GTF2IRD1: variants seen among roughly 807,000 people sequenced by gnomAD.
The protein encoded by GTF2IRD1 is GTF2I repeat domain containing 1, also known as general transcription factor II-I repeat domain-containing protein 1.
A neutral mutation model predicts 113.2 loss-of-function variants in GTF2IRD1; 26 were observed. That is an observed-to-expected ratio of 0.23 (90% CI 0.17 to 0.32). The LOEUF is 0.32. Among genes scored for constraint, GTF2IRD1 ranks in the 10% least tolerant of loss-of-function variants. The pLI, the probability that GTF2IRD1 is intolerant of heterozygous loss-of-function variation, is 1.00. For synonymous variants in GTF2IRD1, 484 were observed against 529.1 expected, an observed-to-expected ratio of 0.91 and a Z score of 1.17; for missense variants, 864 against 1,280.8, an observed-to-expected ratio of 0.67 and a Z score of 4.97.
chr7:74,602,210 C>A, intron 26 of GTF2IRD1, 155 bp from the exon 27 acceptor site: 2 of 862,620 alleles, frequency 2.3e-6, no homozygotes, highest in South Asian at 5.6e-5. Flanking sequence ...TCACTGCACT[C>A]CAGCCTGGGC....
chr7:74,533,073 C>T lies in GTF2IRD1; in HGVS notation c.1275-2040C>T, dbSNP rs1254108837. 2.0e-5 allele frequency among the ~76,000 whole-genome samples: 3 copies of T among 151,870 alleles called. No individual in the cohort carries two copies. In the East Asian group the frequency reaches 5.8e-4, roughly 29 times the overall value. ...GAGAGTGTGTGAGCCCAGCCCCGCC[C>T]TCTCAGACTCTCAGACCTTTATTTC... On this transcript the variant is annotated intron_variant, in intron 9 of 26. Transcript: ENST00000424337.
chr7:74,484,857 G>C (rs1554335330), intron 1 of GTF2IRD1, among the ~76,000 whole-genome samples: 1 of 152,134 alleles, frequency 6.6e-6, no homozygotes, highest in Non-Finnish European at 1.5e-5. Context: ...CTGCCTTTTG[G>C]CTATTGTGAA....
intron 22 of GTF2IRD1, among the ~76,000 whole-genome samples, chr7:74,562,157 C>T (rs1484216299): frequency 3.3e-5 from 5 of 152,364 alleles, no homozygotes; most frequent in African/African-American, 7.2e-5. Flanking sequence ...CTCCCTCACA[C>T]GGTTCCCGAA....
Position 74,529,647 on chromosome 7 carries a change from G to A in GTF2IRD1, c.1091-87G>A, listed in dbSNP as rs587741992. ...ATGGCCAGAGTGGAGTGGGGACGGT[G>A]GGAGGTGATGGGGACCGCAGCTCCC... On this transcript the variant is annotated intron_variant, in intron 8 of 26. Coordinates refer to ENST00000424337, the MANE Select transcript of GTF2IRD1 (RefSeq NM_005685.4). 1.9e-5 allele frequency: 20 copies of A among 1,062,566 alleles called. No individual in the cohort carries two copies. The African/African-American group carries it at 2.3e-4, about 12-fold the overall frequency. 65.8% of individuals were successfully genotyped at this position (1,062,566 alleles called of 1,614,324 possible).
intron 19 of GTF2IRD1, among the ~76,000 whole-genome samples, chr7:74,556,296 A>T (rs1309300190): frequency 6.6e-6 from 1 of 150,478 alleles, no homozygotes; most frequent in Non-Finnish European, 1.5e-5. Context: ...GTGGTCTGGG[A>T]TCCCTCCAGC....
intron 20 of GTF2IRD1, among the ~76,000 whole-genome samples, chr7:74,558,499 A>G (rs1554357972): frequency 6.6e-6 from 1 of 151,334 alleles, no homozygotes; most frequent in Non-Finnish European, 1.5e-5. Context: ...GGCTGGAACT[A>G]CACCCCACTG....
At chr7:74,523,072 A>G (rs1554346357) in intron 7 of GTF2IRD1, among the ~76,000 whole-genome samples, 1 of 152,198 alleles carries the variant, frequency 6.6e-6, no homozygotes, top group African/African-American at 2.4e-5. Context: ...CTCAGCCCTT[A>G]GCCAGACATG....
chr7:74,571,483 G>A lies in GTF2IRD1; in HGVS notation c.2320+11828G>A, dbSNP rs370806524. ...CACTGGTCGGGGCCAAGCTCTTGGT[G>A]GGCTCCAGTTTTATCTAGGACATCC... is the stretch of plus-strand genomic sequence containing the variant. On this transcript the variant is annotated intron_variant, in intron 22 of 26. Transcript: ENST00000424337. 1.1e-4 allele frequency among the ~76,000 whole-genome samples: 17 copies of A among 152,324 alleles called. No homozygotes were observed. The East Asian group carries it at 1.4e-3, about 12-fold the overall frequency.
intron 17 of GTF2IRD1, among the ~76,000 whole-genome samples, chr7:74,550,046 A>T (rs1799212262): frequency 6.7e-6 from 1 of 149,764 alleles, no homozygotes. Context: ...TCAAAAAAAA[A>T]AATTAGCCAG....
At chr7:74,535,729 G>C (rs1798253833) in intron 10 of GTF2IRD1, among the ~76,000 whole-genome samples, 1 of 152,194 alleles carries the variant, frequency 6.6e-6, no homozygotes, top group Non-Finnish European at 1.5e-5. Context: ...GCAAGGTCTT[G>C]TGGGCTTCAG....
At chr7:74,582,698 G>C (rs1478577598) in intron 22 of GTF2IRD1, among the ~76,000 whole-genome samples, 1 of 152,150 alleles carries the variant, frequency 6.6e-6, no homozygotes, top group Non-Finnish European at 1.5e-5. Flanking sequence ...TTGCCTTCCA[G>C]TCTGATGAGC....
intron 1 of GTF2IRD1, among the ~76,000 whole-genome samples, chr7:74,463,657 G>A (rs1793524967): frequency 6.6e-6 from 1 of 152,184 alleles, no homozygotes; most frequent in Admixed American, 6.5e-5. Context: ...CCAAGGAGCG[G>A]GTGGTGGGGA....
At chr7:74,488,429 G>C (rs1346526412) in intron 1 of GTF2IRD1, among the ~76,000 whole-genome samples, 1 of 152,202 alleles carries the variant, frequency 6.6e-6, no homozygotes, top group Non-Finnish European at 1.5e-5. Context: ...AACTGGTAAA[G>C]ACTGACTTAA....
intron 17 of GTF2IRD1, among the ~76,000 whole-genome samples, chr7:74,553,027 G>A (rs782296519): frequency 2.0e-5 from 3 of 152,066 alleles, no homozygotes; most frequent in East Asian, 1.9e-4. Context: ...TAGTAGAGAC[G>A]GTGTTTCACC....
Position 74,520,164 on chromosome 7 carries a change from C to T in GTF2IRD1, c.916+445C>T, listed in dbSNP as rs972992322. Among the ~76,000 whole-genome samples, 5 of 147,526 alleles carry T rather than the reference C, an allele frequency of 3.4e-5. No individual in the cohort carries two copies. The South Asian group carries it at 1.1e-3, about 32-fold the overall frequency. ...TGTCAAAGGTGGGAGATCCACATCA[C>T]GTGCTATAAAGGAAGTAAGCATACT... is the stretch of plus-strand genomic sequence containing the variant. On this transcript the variant is annotated intron_variant, in intron 6 of 26. Transcript: ENST00000424337.
chr7:74,513,078 G>C (rs1238020688), intron 3 of GTF2IRD1, 107 bp downstream of exon 3: 1 of 1,094,912 alleles, frequency 9.1e-7, no homozygotes, highest in African/African-American at 1.6e-5. Flanking sequence ...GGCGGTGTGT[G>C]GGGAGTGAAC....
intron 20 of GTF2IRD1, among the ~76,000 whole-genome samples, chr7:74,558,328 G>A (rs1218644521): frequency 2.0e-4 from 25 of 127,718 alleles, no homozygotes; most frequent in African/African-American, 5.5e-4. Flanking sequence ...GCATATTGGT[G>A]TGGCTTTTTC....
At chr7:74,502,210 A>T (rs1796069817) in intron 1 of GTF2IRD1, among the ~76,000 whole-genome samples, 1 of 152,224 alleles carries the variant, frequency 6.6e-6, no homozygotes, top group African/African-American at 2.4e-5. Flanking sequence ...GAGTGCTGGA[A>T]TTATAGGCGT....
At chr7:74,464,888 AGGCTGGACCCTGG>A (rs1793616062) in intron 1 of GTF2IRD1, among the ~76,000 whole-genome samples, 1 of 151,898 alleles carries the variant, frequency 6.6e-6, no homozygotes, top group Non-Finnish European at 1.5e-5. Context: ...AAGTCCTCAA[AGGCTGGACCCTGG>A]GGCCAGCACT....
Sources: gnomAD v4.1 joint callset for allele counts (sites outside exome capture counted in the v4.1 genomes callset) on GRCh38, gnomAD v4.1.1 for gene constraint, MANE v1.5 for transcripts, NCBI Gene and HGNC (gene_info 2026-07-23, HGNC 2026-07-21) for gene names.